NRP1: variants seen among roughly 807,000 people sequenced by gnomAD.
The protein encoded by NRP1 is neuropilin-1.
A neutral mutation model predicts 106.7 loss-of-function variants in NRP1; 35 were observed. The ratio of observed to expected loss-of-function variants is 0.33; its 90% CI spans 0.25 to 0.43. The LOEUF is 0.43. NRP1 is among the 20% of genes least tolerant of loss of function. The pLI is 1.00. For missense variants in NRP1, 1,024 were observed against 1,170.4 expected (o/e 0.87, Z 1.83); for synonymous variants, 437 against 417.9 (o/e 1.05, Z -0.56).
chr10:33,269,350 C>T (rs890406372), intron 3 of NRP1, among the ~76,000 whole-genome samples: 6 of 152,112 alleles, frequency 3.9e-5, no homozygotes, highest in East Asian at 1.9e-4. Flanking sequence ...TGGAGTGCAG[C>T]GGCACGATCA....
intron 2 of NRP1, among the ~76,000 whole-genome samples, chr10:33,311,980 C>T (rs930537786): frequency 4.6e-5 from 7 of 152,030 alleles, no homozygotes; most frequent in Admixed American, 6.5e-5. Flanking sequence ...AAATACTAGA[C>T]ATTTTCCAAT....
intron 2 of NRP1, among the ~76,000 whole-genome samples, chr10:33,322,782 C>T (rs910827305): frequency 2.0e-5 from 3 of 152,174 alleles, no homozygotes; most frequent in Non-Finnish European, 4.4e-5. Flanking sequence ...AAAATTAAGT[C>T]CTTCCTCAGA....
intron 6 of NRP1, among the ~76,000 whole-genome samples, chr10:33,235,407 A>G (rs1254707108): frequency 2.6e-5 from 4 of 152,314 alleles, no homozygotes; most frequent in African/African-American, 9.6e-5. Flanking sequence ...ATTGCTCTGC[A>G]TTTTCTTAGT....
Position 33,179,884 on chromosome 10 carries a change from A to C in NRP1, c.*192T>G. 1.6e-6 allele frequency: 1 copy of C among 629,420 alleles called. No individual in the cohort carries two copies. 39.0% of individuals were successfully genotyped at this position (629,420 alleles called of 1,614,324 possible). A position where few individuals can be genotyped will look rare whatever the true frequency, so the allele number is the denominator to read the frequency against. Reference sequence around the variant, plus strand: ...AACCAACAGGAAAAAAGCTGACTGCACATGAGTCCGATGGTGAACACAGCT... The same window carrying C: ...AACCAACAGGAAAAAAGCTGACTGCCCATGAGTCCGATGGTGAACACAGCT... On this transcript the variant is annotated 3_prime_UTR_variant, in exon 17 of 17. Transcript: ENST00000374867.
intron 9 of NRP1, 78 bp downstream of exon 9, chr10:33,213,308 T>A: frequency 6.2e-7 from 1 of 1,614,126 alleles, no homozygotes; most frequent in Non-Finnish European, 8.5e-7. Context: ...AAGAAGCCCT[T>A]CCTCGGGAGA....
chr10:33,313,652 G>A (rs1246888508), intron 2 of NRP1, among the ~76,000 whole-genome samples: 1 of 152,114 alleles, frequency 6.6e-6, no homozygotes, highest in East Asian at 1.9e-4. Flanking sequence ...AGAGACAAAG[G>A]CCCAGAAAGT....
intron 2 of NRP1, among the ~76,000 whole-genome samples, chr10:33,310,692 A>G (rs1846540905): frequency 6.6e-6 from 1 of 152,134 alleles, no homozygotes; most frequent in Admixed American, 6.5e-5. Context: ...TTCCTTCAGG[A>G]CGTACCTTTC....
At chr10:33,319,588 CTT>C (rs35886672) in intron 2 of NRP1, among the ~76,000 whole-genome samples, 96 of 115,538 alleles carry the variant, frequency 8.3e-4, no homozygotes, top group Middle Eastern at 4.6e-3. Flanking sequence ...TTCTTTCTTT[CTT>C]TTTTTTTTTT....
intron 2 of NRP1, among the ~76,000 whole-genome samples, chr10:33,298,732 T>C (rs1277159606): frequency 1.3e-5 from 2 of 152,198 alleles, no homozygotes; most frequent in South Asian, 4.1e-4. Flanking sequence ...CTTAGTTTCC[T>C]CCTTTGTAAG....
At chr10:33,303,461 C>G (rs963553087) in intron 2 of NRP1, among the ~76,000 whole-genome samples, 1 of 152,164 alleles carries the variant, frequency 6.6e-6, no homozygotes. Context: ...GGGATTATAG[C>G]GTAGTTCTTC....
intron 2 of NRP1, among the ~76,000 whole-genome samples, chr10:33,328,659 A>G (rs1009060816): frequency 2.0e-5 from 3 of 152,126 alleles, no homozygotes; most frequent in Admixed American, 2.0e-4. Context: ...ATAAGAACCA[A>G]CTGTGCACAT....
chr10:33,263,603 C>T, intron 4 of NRP1, 43 bp downstream of exon 4: 2 of 1,477,676 alleles, frequency 1.4e-6, no homozygotes, highest in Non-Finnish European at 9.4e-7. Context: ...GGTGCCCTTC[C>T]TCCAGAACCT....
intron 15 of NRP1, 84 bp downstream of exon 15, chr10:33,185,544 A>C (rs1048503925): frequency 1.7e-5 from 18 of 1,046,660 alleles, no homozygotes; most frequent in Non-Finnish European, 2.5e-5. Context: ...CTAGGTAGAA[A>C]TGAGCAAAAC....
In NRP1 at chr10:33,196,991, C is replaced by T. The variant is rs905028511; in HGVS notation, c.1924+659G>A. 8.5e-5 allele frequency among the ~76,000 whole-genome samples: 13 copies of T among 152,242 alleles called. No homozygotes were observed. In the East Asian group the frequency reaches 2.1e-3, roughly 25 times the overall value. On this transcript the variant is annotated intron_variant, in intron 12 of 16. Coordinates refer to ENST00000374867, the MANE Select transcript of NRP1 (RefSeq NM_003873.7). ...GACTGTTTCCCTTCATGTACGTCTG[C>T]CGGGAAGAATTTCACAGGATACTAA...
chr10:33,305,140 G>T (rs1846057232), intron 2 of NRP1, among the ~76,000 whole-genome samples: 1 of 152,214 alleles, frequency 6.6e-6, no homozygotes, highest in Admixed American at 6.5e-5. Context: ...CAGTGCTGAA[G>T]ATCTGCTATC....
chr10:33,286,681 A>T (rs2132594236), intron 2 of NRP1, among the ~76,000 whole-genome samples: 1 of 152,212 alleles, frequency 6.6e-6, no homozygotes, highest in East Asian at 1.9e-4. Flanking sequence ...AACAAACTTA[A>T]CTTATTCTGC....
At chr10:33,269,358 T>A (rs1843136567) in intron 3 of NRP1, among the ~76,000 whole-genome samples, 1 of 152,150 alleles carries the variant, frequency 6.6e-6, no homozygotes, top group Admixed American at 6.5e-5. Context: ...AGCGGCACGA[T>A]CAAGGCTCAA....
chr10:33,275,975 C>T (rs1843663165), intron 2 of NRP1, among the ~76,000 whole-genome samples: 2 of 152,012 alleles, frequency 1.3e-5, no homozygotes, highest in Non-Finnish European at 2.9e-5. Context: ...AGGAAAAATG[C>T]TTATGATATA....
intron 5 of NRP1, 60 bp downstream of exon 5, chr10:33,256,256 G>A (rs1418637003): frequency 5.9e-6 from 9 of 1,537,816 alleles, no homozygotes; most frequent in East Asian, 4.5e-5. Context: ...CCGCAGGTGT[G>A]TGAGCAGGAA....
Sources: allele counts gnomAD v4.1 joint callset (sites outside exome capture counted in the v4.1 genomes callset), GRCh38; gene constraint gnomAD v4.1.1; transcripts MANE v1.5; gene names NCBI Gene and HGNC (gene_info 2026-07-23, HGNC 2026-07-21).